Variants in SNTG1 observed in about 807,000 individuals in gnomAD.
SNTG1 encodes syntrophin gamma 1.
SNTG1 carries 39 observed loss-of-function variants against 74.7 expected under a neutral mutation model. That is an observed-to-expected ratio of 0.52 (90% CI 0.40 to 0.68). The LOEUF is 0.68. Ranked by LOEUF, SNTG1 falls within the 30% of genes least tolerant of loss-of-function variation. The pLI, the probability that SNTG1 is intolerant of heterozygous loss-of-function variation, is 0.00. For synonymous variants in SNTG1, 254 were observed against 217.1 expected (o/e 1.17, Z -1.49); for missense variants, 685 against 609.5 (o/e 1.12, Z -1.30).
rs142170263 is a variant in SNTG1 at position 50,765,473 on chromosome 8, T to C, written c.1395+13362T>C. Reference sequence around the variant, plus strand: ...CGTGTTGTGAGGGTCCTGGGGTCTCTGGGTTCTTAGTCTGCCTGCCTCTTC... The same window carrying C: ...CGTGTTGTGAGGGTCCTGGGGTCTCCGGGTTCTTAGTCTGCCTGCCTCTTC... On this transcript the variant is annotated intron_variant, in intron 18 of 18. Coordinates refer to ENST00000642720, the MANE Select transcript of SNTG1 (RefSeq NM_018967.5). Among the ~76,000 whole-genome samples, 428 of 152,032 alleles carry C rather than the reference T, an allele frequency of 2.8e-3. 6 individuals carry two copies. Among genetic ancestry groups the C allele is most frequent in the Admixed American group, 0.016 (240 of 15,234 alleles).
intron 2 of SNTG1, among the ~76,000 whole-genome samples, chr8:50,366,529 TG>T (rs1200875502): frequency 6.6e-6 from 1 of 151,780 alleles, no homozygotes; most frequent in East Asian, 1.9e-4. Context: ...CTAAATTTAC[TG>T]AATCAGATTG....
intron 2 of SNTG1, among the ~76,000 whole-genome samples, chr8:50,306,157 C>T (rs1451261464): frequency 6.8e-6 from 1 of 146,476 alleles, no homozygotes; most frequent in Non-Finnish European, 1.5e-5. Flanking sequence ...ATTTGATTTT[C>T]CATTTTTGAA....
intron 16 of SNTG1, among the ~76,000 whole-genome samples, chr8:50,705,819 G>A (rs1218935920): frequency 6.6e-6 from 1 of 152,122 alleles, no homozygotes; most frequent in Non-Finnish European, 1.5e-5. Flanking sequence ...GAACAAAACA[G>A]CCTCCCAAAG....
intron 2 of SNTG1, among the ~76,000 whole-genome samples, chr8:50,298,676 A>T (rs996074282): frequency 6.6e-6 from 1 of 152,162 alleles, no homozygotes; most frequent in African/African-American, 2.4e-5. Context: ...ATTCAATTTT[A>T]TTACCCTTTG....
intron 3 of SNTG1, 33 bp downstream of exon 3, chr8:50,394,298 GA>G (rs1563327712): frequency 6.2e-7 from 1 of 1,605,466 alleles, no homozygotes; most frequent in Admixed American, 1.7e-5. Context: ...TTCAAACAGG[GA>G]AAACAGAATA....
chr8:50,428,935 A>G (rs2093198460), intron 4 of SNTG1, among the ~76,000 whole-genome samples: 1 of 152,184 alleles, frequency 6.6e-6, no homozygotes, highest in Admixed American at 6.6e-5. Context: ...TAAATTTAAC[A>G]AAATTATAAA....
chr8:50,540,601 CA>C (rs1455274202), intron 11 of SNTG1, among the ~76,000 whole-genome samples: 1 of 152,002 alleles, frequency 6.6e-6, no homozygotes, highest in African/African-American at 2.4e-5. Context: ...TAAAGTGTCC[CA>C]CTATGATGGT....
At position 50,052,376 on chromosome 8, in the gene SNTG1, A is replaced by G. The variant is rs182234206; in HGVS notation, c.-102-120185A>G. ...CAAGGACTTCTGGATATCCACATGC[A>G]AAAAGAATTAAGTTGGATGCCTAAT... is the stretch of plus-strand genomic sequence containing the variant. On this transcript the variant is annotated intron_variant, in intron 1 of 18. Transcript: ENST00000642720. Among the ~76,000 whole-genome samples the G allele has an allele frequency of 9.2e-5, 14 of 152,274 alleles. 1 individual carries two copies. In the East Asian group the frequency reaches 2.1e-3, roughly 23 times the overall value.
chr8:50,762,601 C>T, intron 18 of SNTG1: 1 of 393,720 alleles, frequency 2.5e-6, no homozygotes, highest in Non-Finnish European at 5.1e-6. Context: ...CCAAATACAC[C>T]ATCAGTGTAT....
intron 1 of SNTG1, among the ~76,000 whole-genome samples, chr8:49,917,623 C>T (rs578168362): frequency 4.6e-5 from 7 of 152,172 alleles, no homozygotes; most frequent in East Asian, 1.9e-4. Context: ...GATCAACTAC[C>T]GCTCTCTCAT....
chr8:50,682,243 C>T (rs1407474405), intron 15 of SNTG1, among the ~76,000 whole-genome samples: 1 of 152,116 alleles, frequency 6.6e-6, no homozygotes, highest in Non-Finnish European at 1.5e-5. Flanking sequence ...TGTCATTCCC[C>T]TATTGGCTAG....
At chr8:50,345,204 C>CTT (rs1319646201) in intron 2 of SNTG1, among the ~76,000 whole-genome samples, 3 of 152,238 alleles carry the variant, frequency 2.0e-5, no homozygotes, top group Admixed American at 2.0e-4. Flanking sequence ...TCTTCTGTAC[C>CTT]TTTTATACAA....
intron 1 of SNTG1, among the ~76,000 whole-genome samples, chr8:50,062,453 G>T (rs1204447496): frequency 6.6e-6 from 1 of 151,996 alleles, no homozygotes; most frequent in African/African-American, 2.4e-5. Context: ...ACACATTTAA[G>T]ATTGTTATGT....
intron 13 of SNTG1, among the ~76,000 whole-genome samples, chr8:50,612,807 T>G (rs2094859941): frequency 6.6e-6 from 1 of 152,196 alleles, no homozygotes; most frequent in Admixed American, 6.5e-5. Flanking sequence ...AGGTAGCCAT[T>G]TAGAGTCTGG....
chr8:50,210,249 T>G (rs939611092), intron 2 of SNTG1, among the ~76,000 whole-genome samples: 1 of 152,156 alleles, frequency 6.6e-6, no homozygotes, highest in African/African-American at 2.4e-5. Flanking sequence ...AATCTATGTC[T>G]GATTGATGTA....
chr8:50,216,084 AC>A (rs1212225473), intron 2 of SNTG1, among the ~76,000 whole-genome samples: 1 of 152,118 alleles, frequency 6.6e-6, no homozygotes, highest in Non-Finnish European at 1.5e-5. Context: ...TTTGGTACTG[AC>A]AGATGGCTTG....
At chr8:50,209,414 A>T (rs1397205077) in intron 2 of SNTG1, among the ~76,000 whole-genome samples, 1 of 152,180 alleles carries the variant, frequency 6.6e-6, no homozygotes, top group Admixed American at 6.5e-5. Flanking sequence ...GAATGGACAG[A>T]CTGCCTCCTC....
At chr8:50,296,141 AG>A (rs1270412153) in intron 2 of SNTG1, among the ~76,000 whole-genome samples, 1 of 152,190 alleles carries the variant, frequency 6.6e-6, no homozygotes, top group Non-Finnish European at 1.5e-5. Context: ...GAGAAACACT[AG>A]GTAATGGAAA....
intron 17 of SNTG1, among the ~76,000 whole-genome samples, chr8:50,744,468 CAT>C (rs2095550747): frequency 6.6e-6 from 1 of 151,888 alleles, no homozygotes; most frequent in Non-Finnish European, 1.5e-5. Flanking sequence ...AATTGAAAGA[CAT>C]ATTATTATTA....
Sources: allele counts gnomAD v4.1 joint callset (sites outside exome capture counted in the v4.1 genomes callset), GRCh38; gene constraint gnomAD v4.1.1; transcripts MANE v1.5; gene names NCBI Gene and HGNC (gene_info 2026-07-23, HGNC 2026-07-21).